Variants in AKAP19 observed in about 807,000 individuals in gnomAD.
AKAP19 encodes the protein A-kinase anchoring protein 19.
chr2:190,182,956 A>T, the AKAP19 span, among the ~76,000 whole-genome samples: 34 of 152,174 alleles, frequency 2.2e-4, no homozygotes, highest in African/African-American at 6.5e-4. Context: ...TTTTAATCTT[A>T]TGTCATTCAT....
chr2:189,910,015 G>C, the AKAP19 span, among the ~76,000 whole-genome samples: 3 of 151,636 alleles, frequency 2.0e-5, no homozygotes, highest in Non-Finnish European at 2.9e-5. Flanking sequence ...GCTTGGATAG[G>C]CTTCCTATGT....
At chr2:190,114,660 G>A in the AKAP19 span, among the ~76,000 whole-genome samples, 2 of 152,118 alleles carry the variant, frequency 1.3e-5, no homozygotes, top group Admixed American at 1.3e-4. Context: ...GTTTCACCGT[G>A]TTAGCCAGGA....
chr2:190,126,059 G>A, the AKAP19 span, among the ~76,000 whole-genome samples: 26 of 151,784 alleles, frequency 1.7e-4, no homozygotes, highest in African/African-American at 5.8e-4. Flanking sequence ...TTGGGAGGCC[G>A]AGGTGGGCAG....
At chr2:190,164,062 T>C in the AKAP19 span, 1 of 152,242 alleles carries the variant, frequency 6.6e-6, no homozygotes. Context: ...GTGAACCTGG[T>C]AACTTCAGGG....
the AKAP19 span, among the ~76,000 whole-genome samples, chr2:190,058,988 ATG>A: frequency 3.5e-4 from 46 of 131,962 alleles, no homozygotes; most frequent in African/African-American, 1.9e-4. Context: ...GAAGTAAAAC[ATG>A]TGTGTGTGTG....
At chr2:190,178,630 C>T in the AKAP19 span, among the ~76,000 whole-genome samples, 9 of 152,360 alleles carry the variant, frequency 5.9e-5, no homozygotes, top group Middle Eastern at 3.4e-3. This position sits in a 1 kb window ranked among gnomAD's most constrained non-coding sequence, Gnocchi z 6.3. Context: ...AAGGGTCAGG[C>T]TCCAGCCTGG....
the AKAP19 span, among the ~76,000 whole-genome samples, chr2:189,943,306 C>G: frequency 6.6e-6 from 1 of 152,224 alleles, no homozygotes; most frequent in African/African-American, 2.4e-5. Flanking sequence ...GCCCCTGGTA[C>G]AGCTCAGGGT....
At chr2:190,181,933 AT>A in the AKAP19 span, among the ~76,000 whole-genome samples, 1 of 152,240 alleles carries the variant, frequency 6.6e-6, no homozygotes, top group Non-Finnish European at 1.5e-5. Flanking sequence ...AAATAACATT[AT>A]TTAGGCATTC....
chr2:190,203,411 G>A, the AKAP19 span: 1 of 166,878 alleles, frequency 6.0e-6, no homozygotes, highest in Non-Finnish European at 1.5e-5. Flanking sequence ...CTATGAAGTG[G>A]TATATTTTTT....
chr2:189,893,862 G>T, the AKAP19 span, among the ~76,000 whole-genome samples: 1 of 152,212 alleles, frequency 6.6e-6, no homozygotes, highest in Non-Finnish European at 1.5e-5. Context: ...AGGGACTTTA[G>T]CATCTGTGGG....
At chr2:190,027,730 G>A in the AKAP19 span, among the ~76,000 whole-genome samples, 2 of 152,166 alleles carry the variant, frequency 1.3e-5, no homozygotes, top group African/African-American at 4.8e-5. Context: ...TGATATAAAT[G>A]TCTGTCATCA....
At chr2:190,113,544 C>T in the AKAP19 span, among the ~76,000 whole-genome samples, 2 of 152,198 alleles carry the variant, frequency 1.3e-5, no homozygotes, top group Non-Finnish European at 1.5e-5. Flanking sequence ...GCTTCTTTAT[C>T]ACCACTACCT....
chr2:189,953,459 A>T, the AKAP19 span, among the ~76,000 whole-genome samples: 12 of 151,756 alleles, frequency 7.9e-5, no homozygotes, highest in Non-Finnish European at 1.5e-4. Context: ...ACATGGTGAA[A>T]CCCTGTCTCT....
chr2:190,115,252 G>T, the AKAP19 span, among the ~76,000 whole-genome samples: 1 of 68,768 alleles, frequency 1.5e-5, no homozygotes, highest in Admixed American at 2.1e-4. Flanking sequence ...GAGAGACAAG[G>T]CAAGAAGCAT....
chr2:190,191,819 C>T, the AKAP19 span, among the ~76,000 whole-genome samples: 1 of 152,040 alleles, frequency 6.6e-6, no homozygotes, highest in Non-Finnish European at 1.5e-5. Flanking sequence ...GGGTTGTTGT[C>T]TTGCTATTGA....
At chr2:190,076,030 CG>C in the AKAP19 span, among the ~76,000 whole-genome samples, 1 of 152,082 alleles carries the variant, frequency 6.6e-6, no homozygotes, top group Non-Finnish European at 1.5e-5. Flanking sequence ...TTTACTGCTT[CG>C]TGTGTGATTG....
the AKAP19 span, among the ~76,000 whole-genome samples, chr2:189,977,230 C>A: frequency 3.9e-5 from 6 of 152,166 alleles, no homozygotes; most frequent in Non-Finnish European, 8.8e-5. Context: ...ATTTAATTAG[C>A]AAATAGTTCC....
At chr2:189,990,227 C>T in the AKAP19 span, among the ~76,000 whole-genome samples, 1 of 152,108 alleles carries the variant, frequency 6.6e-6, no homozygotes, top group East Asian at 1.9e-4. Flanking sequence ...AGGATGAAAG[C>T]ATTTACTATC....
At chr2:189,956,685 C>A in the AKAP19 span, among the ~76,000 whole-genome samples, 1 of 151,988 alleles carries the variant, frequency 6.6e-6, no homozygotes, top group African/African-American at 2.4e-5. Flanking sequence ...CTCAAGCAAT[C>A]CTCCTGCCTC....
Sources: gnomAD v4.1 joint callset for allele counts (sites outside exome capture counted in the v4.1 genomes callset) on GRCh38, gnomAD v4.1.1 for gene constraint, Gnocchi (gnomAD v3.1) non-coding constraint, MANE v1.5 for transcripts, NCBI Gene and HGNC (gene_info 2026-07-23, HGNC 2026-07-21) for gene names.